SYT7: variants seen among roughly 807,000 people sequenced by gnomAD.
SYT7 encodes the protein synaptotagmin 7.
In SYT7, 29 loss-of-function variants were observed where a neutral mutation model predicts 75.1. That is an observed-to-expected ratio of 0.39 (90% confidence interval 0.29 to 0.53). The LOEUF is 0.53. Ranked by LOEUF, SYT7 falls within the 20% of genes least tolerant of loss-of-function variation. The pLI is 0.77. For missense variants in SYT7, 693 were observed against 953.2 expected (o/e 0.73, Z 3.59); for synonymous variants, 376 against 401.7 (o/e 0.94, Z 0.76).
intron 1 of SYT7, among the ~76,000 whole-genome samples, chr11:61,556,510 T>G (rs1343624692): frequency 6.6e-6 from 1 of 152,162 alleles, no homozygotes; most frequent in African/African-American, 2.4e-5. Flanking sequence ...CTTGAGACCC[T>G]CAAAGGGAGA....
At position 61,580,849 on chromosome 11, in the gene SYT7, C is replaced by A. The variant is rs2064243606; in HGVS notation, c.-29G>T. 2.5e-6 allele frequency: 3 copies of A among 1,209,450 alleles called. No homozygotes were observed. The highest frequency in any genetic ancestry group is 1.6e-5 in the African/African-American group (1 of 62,808). 74.9% of individuals were successfully genotyped at this position (1,209,450 alleles called of 1,614,324 possible). A position where few individuals can be genotyped will look rare whatever the true frequency, so the allele number is the denominator to read the frequency against. On this transcript the variant is annotated 5_prime_UTR_variant, in exon 1 of 13. Coordinates refer to ENST00000539008, the MANE Select transcript of SYT7 (RefSeq NM_001365809.2). This position sits in a 1 kb window ranked among gnomAD's most constrained non-coding sequence, Gnocchi z 6.1. ...CCCCTCGTCGCCGGTTCCCTCCGGG[C>A]TCCTCAGAGCCGCCCGCGGCCGCGC... is the stretch of plus-strand genomic sequence containing the variant.
At chr11:61,582,164 CACAT>C (rs2064293337), upstream of SYT7, among the ~76,000 whole-genome samples, 1 of 151,732 alleles carries the variant, frequency 6.6e-6, no homozygotes. Flanking sequence ...CACAAAGAGA[CACAT>C]ACACTGACGC....
rs1469570813 is a variant in SYT7, at chr11:61,518,534, T to C, written c.*93A>G. 7.9e-5 allele frequency: 71 copies of C among 895,658 alleles called. No homozygotes were observed. The highest frequency in any genetic ancestry group is 1.1e-4 in the Non-Finnish European group (68 of 616,268). 55.5% of individuals were successfully genotyped at this position (895,658 alleles called of 1,614,324 possible). A position where few individuals can be genotyped will look rare whatever the true frequency, so the allele number is the denominator to read the frequency against. ...AGCCCTCAGGGTCCTCCCCTCCCTA[T>C]GGCAGGGGGCTCAGGCCGGGCGTTG... On this transcript the variant is annotated 3_prime_UTR_variant, in exon 13 of 13. Coordinates refer to ENST00000539008, the MANE Select transcript of SYT7 (RefSeq NM_001365809.2).
In SYT7 at chr11:61,513,718, G is replaced by C. The variant is rs1035951047; in HGVS notation, c.*4909C>G. 2.0e-5 allele frequency among the ~76,000 whole-genome samples: 3 copies of C among 152,200 alleles called. No homozygotes were observed. The highest frequency in any genetic ancestry group is 2.1e-4 in the South Asian group (1 of 4,826). On this transcript the variant is annotated 3_prime_UTR_variant, in exon 13 of 13. Transcript: ENST00000539008. The stretch of plus-strand genomic sequence containing the variant: ...CTTCCCCAAGACACCTGGCGATCTT[G>C]TTCTGAAGATGAACGTTTATTAGCA...
At position 61,547,400 on chromosome 11, in the gene SYT7, C is replaced by CG. The variant is rs888910979; in HGVS notation, c.216-93dup. On this transcript the variant is annotated intron_variant, in intron 3 of 12. Coordinates refer to ENST00000539008, the MANE Select transcript of SYT7 (RefSeq NM_001365809.2). ...GCGGGGGCAGAAGGGACCAGGACCC[C>CG]GGGGCCGGGCACACAGTGGGCGGGG... The CG allele has an allele frequency of 7.8e-5, 112 of 1,435,138 alleles. No homozygotes were observed. In the Middle Eastern group the frequency reaches 2.6e-3, roughly 33 times the overall value. The allele number at this position is 1,435,138 out of a possible 1,614,324, so 88.9% of individuals were successfully genotyped here. A position where few individuals can be genotyped will look rare whatever the true frequency, so the allele number is the denominator to read the frequency against.
At chr11:61,578,506 C>T (rs907468850) in intron 1 of SYT7, among the ~76,000 whole-genome samples, 23 of 151,850 alleles carry the variant, frequency 1.5e-4, no homozygotes, top group Non-Finnish European at 3.2e-4. Context: ...ATTTGCATAT[C>T]TCAGTACCAA....
At position 61,542,417 on chromosome 11, in the gene SYT7, G is replaced by C. The variant is rs2063070150; in HGVS notation, c.735C>G (p.Thr245=). 1 of 1,532,468 alleles carries C rather than the reference G, an allele frequency of 6.5e-7. No homozygotes were observed. Among genetic ancestry groups the C allele is most frequent in the Admixed American group, 2.0e-5 (1 of 50,892 alleles). The allele number at this position is 1,532,468 out of a possible 1,614,324, so 94.9% of individuals were successfully genotyped here. A position where few individuals can be genotyped will look rare whatever the true frequency, so the allele number is the denominator to read the frequency against. ...QRGRQPSQPT[T]SQSLGQLQAH... ...CCTGCAGCTGGCCCAGGCTCTGGCT[G>C]GTGGTGGGCTGGCTGGGCTGCCGGC... Residue 245 remains threonine (T), a synonymous_variant, in exon 6 of 13, where the codon ACC becomes ACG. Coordinates refer to ENST00000539008, the MANE Select transcript of SYT7 (RefSeq NM_001365809.2). This position sits in a 1 kb window ranked among gnomAD's most constrained non-coding sequence, Gnocchi z 7.8.
intron 9 of SYT7, chr11:61,526,276 C>T (rs929906821): frequency 6.6e-6 from 1 of 152,118 alleles, no homozygotes; most frequent in African/African-American, 2.4e-5. Flanking sequence ...CCCAGGGGAC[C>T]CTTGGCATCA....
intron 1 of SYT7, among the ~76,000 whole-genome samples, chr11:61,567,831 A>G (rs746026046): frequency 7.9e-5 from 12 of 152,166 alleles, no homozygotes; most frequent in Non-Finnish European, 1.6e-4. Flanking sequence ...TCCCGGGGCA[A>G]TCTGGCGCTC....
At position 61,550,691 on chromosome 11, in the gene SYT7, C is replaced by G. The variant is rs1309116167; in HGVS notation, c.215+693G>C. On this transcript the variant is annotated intron_variant, in intron 3 of 12. Coordinates refer to ENST00000539008, the MANE Select transcript of SYT7 (RefSeq NM_001365809.2). ...TTTCCAGAGCCCAGGTGGCCTGAGT[C>G]CCCCGCCAGGTGGGTGGGGGACTTC... Among the ~76,000 whole-genome samples the G allele has an allele frequency of 2.6e-5, 4 of 152,062 alleles. 1 individual carries two copies. Among genetic ancestry groups the G allele is most frequent in the African/African-American group, 9.7e-5 (4 of 41,406 alleles).
At chr11:61,568,508 G>A (rs1427031009) in intron 1 of SYT7, among the ~76,000 whole-genome samples, 3 of 152,180 alleles carry the variant, frequency 2.0e-5, no homozygotes, top group African/African-American at 7.2e-5. Context: ...CCCCAGGAGG[G>A]AGCATCATGC....
Position 61,524,206 on chromosome 11 carries a change from TCTGA to T in SYT7, c.1641+153_1641+156del, listed in dbSNP as rs2062438656. Among the ~76,000 whole-genome samples, 1 of 152,198 alleles carries T rather than the reference TCTGA, an allele frequency of 6.6e-6. No homozygotes were observed. The highest frequency in any genetic ancestry group is 2.4e-5 in the African/African-American group (1 of 41,442). On this transcript the variant is annotated intron_variant, in intron 10 of 12. Coordinates refer to ENST00000539008, the MANE Select transcript of SYT7 (RefSeq NM_001365809.2). The surrounding 1 kb of genome is among the most constrained non-coding windows in gnomAD (Gnocchi z 4.1). ...CCCCCCAAGTGCCAAGCACCAATGT[TCTGA>T]CTGCTAGCGAGGGCTGAGCTCCATC...
In SYT7 at chr11:61,546,722, C is replaced by A; in HGVS notation, c.347+455G>T. On this transcript the variant is annotated intron_variant, in intron 4 of 12. Transcript: ENST00000539008. The surrounding 1 kb of genome is among the most constrained non-coding windows in gnomAD (Gnocchi z 7.6). ...GAAAGCCGTGTTAGTCAGAGTTCAT[C>A]ACCACCACCACCACCATCACCGCCA... is the stretch of plus-strand genomic sequence containing the variant. 1 of 426,230 alleles carries A rather than the reference C, an allele frequency of 2.3e-6. No individual in the cohort carries two copies. The highest frequency in any genetic ancestry group is 1.7e-5 in the South Asian group (1 of 59,456). 26.4% of individuals were successfully genotyped at this position (426,230 alleles called of 1,614,324 possible). A position where few individuals can be genotyped will look rare whatever the true frequency, so the allele number is the denominator to read the frequency against.
At chr11:61,541,187 T>C in intron 6 of SYT7, 2 of 985,646 alleles carry the variant, frequency 2.0e-6, no homozygotes, top group Non-Finnish European at 2.4e-6. Context: ...ATCTTGCCAA[T>C]GCTTCCCTTT....
chr11:61,576,239 G>A lies in SYT7; in HGVS notation c.31+4551C>T, dbSNP rs529219705. Among the ~76,000 whole-genome samples the A allele has an allele frequency of 6.9e-4, 105 of 152,330 alleles. No individual in the cohort carries two copies. The highest frequency in any genetic ancestry group is 2.5e-3 in the African/African-American group (102 of 41,574). On this transcript the variant is annotated intron_variant, in intron 1 of 12. Coordinates refer to ENST00000539008, the MANE Select transcript of SYT7 (RefSeq NM_001365809.2). The surrounding 1 kb of genome is among the most constrained non-coding windows in gnomAD (Gnocchi z 4.1). ...GACAGGGCCCAGCAGGGCTGCCCCT[G>A]CTGCCTGGAAGGTCAGGGACCTCCA...
chr11:61,517,431 G>C lies in SYT7; in HGVS notation c.*1196C>G, dbSNP rs1316558365. On this transcript the variant is annotated 3_prime_UTR_variant, in exon 13 of 13. Coordinates refer to ENST00000539008, the MANE Select transcript of SYT7 (RefSeq NM_001365809.2). ...GGGACCAGGGAGTGGGGAAGGGTGA[G>C]AAGACAGTCCTGGAGAAGGTCAGGT... is the stretch of plus-strand genomic sequence containing the variant. 2.5e-6 allele frequency: 1 copy of C among 398,774 alleles called. No homozygotes were observed. 24.7% of individuals were successfully genotyped at this position (398,774 alleles called of 1,614,324 possible). A position where few individuals can be genotyped will look rare whatever the true frequency, so the allele number is the denominator to read the frequency against.
At position 61,523,095 on chromosome 11, in the gene SYT7, G is replaced by T; in HGVS notation, c.1936C>A (p.Arg646Ser). 3.1e-6 allele frequency: 5 copies of T among 1,614,132 alleles called. No individual in the cohort carries two copies. The highest frequency in any genetic ancestry group is 4.2e-6 in the Non-Finnish European group (5 of 1,180,038). ...ITVMDKDKLS[R>S]NDVIGKIYLS... ...CCTACCTTGCCGATGACGTCATTGC[G>T]GCTGAGCTTGTCCTTGTCCATGACA... Residue 646 changes from arginine to serine, a missense_variant, in exon 12 of 13, where the codon CGC (arginine) becomes AGC (serine). Physicochemically the swap from Arg to Ser is moderately radical, Grantham distance 110. Around this residue, in one of 2 missense-constraint regions of SYT7, gnomAD observed 206 missense variants for 360.0 expected, o/e 0.57. Coordinates refer to ENST00000539008, the MANE Select transcript of SYT7 (RefSeq NM_001365809.2). This position sits in a 1 kb window ranked among gnomAD's most constrained non-coding sequence, Gnocchi z 5.0.
rs924296817 is a variant in SYT7, at chr11:61,518,119, A to G, written c.*508T>C. 1.3e-5 allele frequency: 2 copies of G among 157,866 alleles called. No homozygotes were observed. The highest frequency in any genetic ancestry group is 4.8e-5 in the African/African-American group (2 of 41,646). 9.8% of individuals were successfully genotyped at this position (157,866 alleles called of 1,614,324 possible). ...GCTCCAGGACCCAGGAGCGGGCTATATACTATCCTCGACATTCAGGGCCCA... is the reference window on the plus strand; with the variant it reads ...GCTCCAGGACCCAGGAGCGGGCTATGTACTATCCTCGACATTCAGGGCCCA... On this transcript the variant is annotated 3_prime_UTR_variant, in exon 13 of 13. Transcript: ENST00000539008.
intron 2 of SYT7, among the ~76,000 whole-genome samples, chr11:61,552,462 A>C (rs2063380234): frequency 7.2e-6 from 1 of 138,612 alleles, no homozygotes; most frequent in Non-Finnish European, 1.5e-5. Flanking sequence ...GCACACACAC[A>C]CACACACATG....
Sources: allele counts gnomAD v4.1 joint callset (sites outside exome capture counted in the v4.1 genomes callset), GRCh38; gene constraint gnomAD v4.1.1; regional missense constraint gnomAD v4.1.1; non-coding constraint Gnocchi (gnomAD v3.1); transcripts MANE v1.5; gene names NCBI Gene and HGNC (gene_info 2026-07-23, HGNC 2026-07-21).